SPTB: variants seen among roughly 807,000 people sequenced by gnomAD.
The protein encoded by SPTB is spectrin beta chain, erythrocytic.
SPTB carries 45 observed loss-of-function variants against 256.2 expected under a neutral mutation model. The observed-to-expected ratio is 0.18, with a 90% CI of 0.14 to 0.23. SPTB has a LOEUF of 0.23. SPTB is among the 10% of genes least tolerant of loss of function. The pLI, the probability that SPTB is intolerant of heterozygous loss-of-function variation, is 1.00. For synonymous variants in SPTB, 1,231 were observed against 1,243.1 expected, an observed-to-expected ratio of 0.99 and a Z score of 0.21; for missense variants, 2,715 against 3,040.4, an observed-to-expected ratio of 0.89 and a Z score of 2.52.
chr14:64,818,500 G>A (rs1396416620), intron 2 of SPTB, among the ~76,000 whole-genome samples: 2 of 152,116 alleles, frequency 1.3e-5, no homozygotes, highest in Non-Finnish European at 2.9e-5. Context: ...TCCACTCCCT[G>A]CTCTCCCTTC....
intron 32 of SPTB, 81 bp downstream of exon 32, chr14:64,766,645 C>A: frequency 6.2e-7 from 1 of 1,612,632 alleles, no homozygotes; most frequent in South Asian, 1.1e-5. Flanking sequence ...CTCGCCTCCA[C>A]CTGGGCTGAG....
intron 33 of SPTB, among the ~76,000 whole-genome samples, chr14:64,750,545 G>T (rs1421327021): frequency 1.3e-5 from 2 of 152,008 alleles, no homozygotes; most frequent in Non-Finnish European, 2.9e-5. Flanking sequence ...GGAGGCCGAG[G>T]CGGGCGGACC....
At chr14:64,831,818 A>G (rs2052457868) in intron 1 of SPTB, among the ~76,000 whole-genome samples, 1 of 152,260 alleles carries the variant, frequency 6.6e-6, no homozygotes. Context: ...CTGGAGGATC[A>G]TAGAAACAGT....
chr14:64,871,687 T>C (rs1455447591), intron 1 of SPTB, among the ~76,000 whole-genome samples: 1 of 152,246 alleles, frequency 6.6e-6, no homozygotes, highest in Non-Finnish European at 1.5e-5. Flanking sequence ...ATGGAATTCT[T>C]CTCAAAGCAT....
At position 64,825,487 on chromosome 14, in the gene SPTB, G is replaced by A. The variant is rs533921203; in HGVS notation, c.-51-2342C>T. On this transcript the variant is annotated intron_variant, in intron 1 of 35. Transcript: ENST00000644917. The surrounding 1 kb of genome is among the most constrained non-coding windows in gnomAD (Gnocchi z 4.8). ...CACACCTTTCTCTATTTCCCTTAAG[G>A]GAAACTACCACTGACTTGGTCTCTG... Among the ~76,000 whole-genome samples, 37 of 149,948 alleles carry A rather than the reference G, an allele frequency of 2.5e-4. No homozygotes were observed. Among genetic ancestry groups the A allele is most frequent in the Non-Finnish European group, 4.9e-4 (33 of 67,630 alleles).
In SPTB at chr14:64,806,661, C is replaced by T. The variant is rs2082990296; in HGVS notation, c.149-1571G>A. ...CTCAGACCCTTGATTCTTCTGTGCA[C>T]TCATTGAGCAAATATTTACCGTACA... On this transcript the variant is annotated intron_variant, in intron 2 of 35. Transcript: ENST00000644917. The surrounding 1 kb of genome is among the most constrained non-coding windows in gnomAD (Gnocchi z 4.1). Among the ~76,000 whole-genome samples, 1 of 152,146 alleles carries T rather than the reference C, an allele frequency of 6.6e-6. No individual in the cohort carries two copies. Among genetic ancestry groups the T allele is most frequent in the African/African-American group, 2.4e-5 (1 of 41,414 alleles).
intron 2 of SPTB, among the ~76,000 whole-genome samples, chr14:64,819,160 G>A (rs1454262870): frequency 2.0e-5 from 3 of 152,296 alleles, no homozygotes; most frequent in African/African-American, 7.2e-5. Flanking sequence ...TTTCACTTTA[G>A]TTAGGCTGAC....
chr14:64,763,623 GT>G, intron 32 of SPTB: 2 of 465,694 alleles, frequency 4.3e-6, no homozygotes, highest in Non-Finnish European at 8.8e-6. Context: ...GGATTAGGTG[GT>G]TTTTATCTCA....
chr14:64,781,641 G>A (rs926304715), intron 20 of SPTB, among the ~76,000 whole-genome samples: 1 of 152,222 alleles, frequency 6.6e-6, no homozygotes, highest in Non-Finnish European at 1.5e-5. Flanking sequence ...TTCAACCATT[G>A]TTGAAAGTGG....
intron 1 of SPTB, among the ~76,000 whole-genome samples, chr14:64,858,775 G>A (rs368714064): frequency 3.7e-4 from 57 of 152,330 alleles, no homozygotes; most frequent in African/African-American, 1.3e-3. Flanking sequence ...AGAAGAGGAT[G>A]TCAGGAGAGC....
intron 15 of SPTB, among the ~76,000 whole-genome samples, chr14:64,787,614 G>A (rs1200962117): frequency 6.6e-6 from 1 of 152,216 alleles, no homozygotes; most frequent in Non-Finnish European, 1.5e-5. Flanking sequence ...GTCTCCTAGG[G>A]CCTGAAAGAG....
Position 64,791,812 on chromosome 14 carries a change from A to G in SPTB, c.2711T>C (p.Ile904Thr), listed in dbSNP as rs1249597109. 2 of 1,614,192 alleles carry G rather than the reference A, an allele frequency of 1.2e-6. No homozygotes were observed. The highest frequency in any genetic ancestry group is 2.2e-5 in the South Asian group (2 of 91,088). The change falls in exon 15 of 36, where the codon ATT becomes ACT. Residue 904 changes from isoleucine (I) to threonine (T), a missense_variant. Coordinates refer to ENST00000644917, the MANE Select transcript of SPTB (RefSeq NM_001355436.2). Reference protein sequence around the residue: ...DQEMKTLMTQIDGVNLAANSL... With the variant: ...DQEMKTLMTQTDGVNLAANSL... ...GTTGGCAGCGAGGTTCACACCATCAATCTGAGTCATCAAGGTCTTCATCTC... is the reference window on the plus strand; with the variant it reads ...GTTGGCAGCGAGGTTCACACCATCAGTCTGAGTCATCAAGGTCTTCATCTC...
Position 64,852,777 on chromosome 14 carries a change from G to T in SPTB, c.-52+27015C>A, listed in dbSNP as rs1210387476. Among the ~76,000 whole-genome samples, 1 of 152,182 alleles carries T rather than the reference G, an allele frequency of 6.6e-6. No individual in the cohort carries two copies. Among genetic ancestry groups the T allele is most frequent in the East Asian group, 1.9e-4 (1 of 5,198 alleles). Reference sequence around the variant, plus strand: ...GATAAAGGATGAGTTCAATGGGTCAGAATTTCATAGCAAGCCCTTACCCTG... The same window carrying T: ...GATAAAGGATGAGTTCAATGGGTCATAATTTCATAGCAAGCCCTTACCCTG... On this transcript the variant is annotated intron_variant, in intron 1 of 35. Coordinates refer to ENST00000644917, the MANE Select transcript of SPTB (RefSeq NM_001355436.2). The surrounding 1 kb of genome is among the most constrained non-coding windows in gnomAD (Gnocchi z 4.2).
chr14:64,820,944 C>A (rs897563361), intron 2 of SPTB, among the ~76,000 whole-genome samples: 1 of 152,090 alleles, frequency 6.6e-6, no homozygotes, highest in Admixed American at 6.5e-5. Context: ...TCCCAAAGTG[C>A]TGGGATTATA....
intron 1 of SPTB, 52 bp downstream of exon 1, chr14:64,879,740 C>T (rs1275685633): frequency 2.0e-5 from 3 of 152,848 alleles, no homozygotes; most frequent in Admixed American, 6.5e-5. Flanking sequence ...GCGTCCCAGC[C>T]TTGCGCACCC....
intron 6 of SPTB, 45 bp from the exon 7 acceptor site, chr14:64,801,445 C>T (rs1193287476): frequency 1.4e-6 from 2 of 1,443,192 alleles, no homozygotes; most frequent in Admixed American, 1.7e-5. Flanking sequence ...CCACAGCATC[C>T]CCACCAGGAG....
At chr14:64,840,065 C>T (rs893209570) in intron 1 of SPTB, among the ~76,000 whole-genome samples, 19 of 152,216 alleles carry the variant, frequency 1.2e-4, no homozygotes, top group African/African-American at 4.3e-4. Context: ...GGGAAAGGTA[C>T]TATTAATTTC....
intron 31 of SPTB, 49 bp downstream of exon 31, chr14:64,767,254 T>C: frequency 6.2e-7 from 1 of 1,611,064 alleles, no homozygotes; most frequent in Non-Finnish European, 8.5e-7. Flanking sequence ...CACCCCCTAC[T>C]CCCACTTGGC....
intron 1 of SPTB, among the ~76,000 whole-genome samples, chr14:64,832,972 G>A (rs573561626): frequency 5.3e-5 from 8 of 152,146 alleles, no homozygotes; most frequent in Non-Finnish European, 7.4e-5. Flanking sequence ...CATCACTTAC[G>A]TACTTTAACA....
Sources: gnomAD v4.1 joint callset for allele counts (sites outside exome capture counted in the v4.1 genomes callset) on GRCh38, gnomAD v4.1.1 for gene constraint, Gnocchi (gnomAD v3.1) non-coding constraint, MANE v1.5 for transcripts, NCBI Gene and HGNC (gene_info 2026-07-23, HGNC 2026-07-21) for gene names.